The following NRG3 variants were observed in gnomAD, a reference collection of about 807,000 sequenced individuals.
NRG3 encodes the protein neuregulin 3.
In NRG3, 31 loss-of-function variants were observed where a neutral mutation model predicts 66.9. That is an observed-to-expected ratio of 0.46 (90% CI 0.35 to 0.63). The LOEUF (loss-of-function observed/expected upper bound fraction) is 0.63. Ranked by LOEUF, NRG3 falls within the 20% of genes least tolerant of loss-of-function variation. NRG3 has a pLI of 0.00. For synonymous variants in NRG3, 393 were observed against 359.4 expected, an observed-to-expected ratio of 1.09 and a Z score of -1.06; for missense variants, 910 against 878.9, an observed-to-expected ratio of 1.04 and a Z score of -0.45.
chr10:82,919,145 T>C (rs76747152), intron 4 of NRG3, among the ~76,000 whole-genome samples: 14,150 of 151,664 alleles, frequency 0.093, 879 homozygotes, highest in African/African-American at 0.16. Context: ...AAAAGTCATC[T>C]CCATTTTCTC....
At chr10:81,946,609 G>A (rs1848861172) in intron 1 of NRG3, among the ~76,000 whole-genome samples, 1 of 152,116 alleles carries the variant, frequency 6.6e-6, no homozygotes, top group Non-Finnish European at 1.5e-5. Flanking sequence ...AGAAGGTTGT[G>A]TATGTGAGTG....
chr10:82,517,653 G>A (rs1213919143), intron 2 of NRG3, among the ~76,000 whole-genome samples: 4 of 127,142 alleles, frequency 3.1e-5, no homozygotes, highest in Non-Finnish European at 4.7e-5. Flanking sequence ...GTTTGTGTGT[G>A]TGTGTGTGTG....
At chr10:82,006,226 T>G (rs2061372020) in intron 1 of NRG3, among the ~76,000 whole-genome samples, 1 of 152,126 alleles carries the variant, frequency 6.6e-6, no homozygotes, top group Non-Finnish European at 1.5e-5. Context: ...GACAAAGAGA[T>G]CTTTGACATA....
chr10:82,499,385 CCTTT>C (rs1445577059), intron 2 of NRG3, among the ~76,000 whole-genome samples: 3 of 152,126 alleles, frequency 2.0e-5, no homozygotes, highest in Non-Finnish European at 2.9e-5. Flanking sequence ...TACAGACAAA[CCTTT>C]CTTTCTTTCC....
chr10:82,013,113 G>T (rs2061646675), intron 1 of NRG3, among the ~76,000 whole-genome samples: 1 of 152,140 alleles, frequency 6.6e-6, no homozygotes, highest in Admixed American at 6.6e-5. Flanking sequence ...AATTTATAAA[G>T]GAAATTGGTT....
At chr10:82,711,072 G>GATTGAATA (rs1385031432) in intron 2 of NRG3, among the ~76,000 whole-genome samples, 1 of 151,946 alleles carries the variant, frequency 6.6e-6, no homozygotes, top group East Asian at 1.9e-4. Flanking sequence ...TTGCTCAGCA[G>GATTGAATA]ATTGATTAAT....
chr10:82,575,460 G>C (rs1234911164), intron 2 of NRG3, among the ~76,000 whole-genome samples: 1 of 151,786 alleles, frequency 6.6e-6, no homozygotes, highest in East Asian at 1.9e-4. Context: ...AACAATGTGT[G>C]AAGAGTGCAC....
At chr10:82,761,922 C>CTTTCTTTCTT (rs1555028704) in intron 3 of NRG3, among the ~76,000 whole-genome samples, 20 of 123,852 alleles carry the variant, frequency 1.6e-4, no homozygotes, top group African/African-American at 3.9e-4. Context: ...TTCTTTCTTT[C>CTTTCTTTCTT]TCTTTCTTTC....
In NRG3 at chr10:81,924,352, A is replaced by G. The variant is rs150236743; in HGVS notation, c.823+48189A>G. On this transcript the variant is annotated intron_variant, in intron 1 of 8. Coordinates refer to ENST00000372141, the MANE Select transcript of NRG3 (RefSeq NM_001010848.4). Reference sequence around the variant, plus strand: ...TCATTTGTTTTACTGTAGTTACACCACAATGTAAATAAAAGCATTTAGAAA... The same window carrying G: ...TCATTTGTTTTACTGTAGTTACACCGCAATGTAAATAAAAGCATTTAGAAA... Among the ~76,000 whole-genome samples, 490 of 152,342 alleles carry G rather than the reference A, an allele frequency of 3.2e-3. 3 individuals are homozygous for G. Among genetic ancestry groups the G allele is most frequent in the African/African-American group, 0.011 (453 of 41,574 alleles).
chr10:81,985,558 T>A (rs1440724755), intron 1 of NRG3, among the ~76,000 whole-genome samples: 1 of 152,332 alleles, frequency 6.6e-6, no homozygotes, highest in African/African-American at 2.4e-5. Context: ...GAACTCCTAA[T>A]TCCACGAGTG....
At chr10:82,573,402 A>G (rs1026776307) in intron 2 of NRG3, among the ~76,000 whole-genome samples, 3 of 151,804 alleles carry the variant, frequency 2.0e-5, no homozygotes, top group Non-Finnish European at 2.9e-5. Context: ...TCTTATATCA[A>G]ATTTGCAGAA....
chr10:82,760,240 C>T (rs1051667770), intron 3 of NRG3, among the ~76,000 whole-genome samples: 9 of 152,082 alleles, frequency 5.9e-5, no homozygotes, highest in African/African-American at 2.2e-4. Context: ...AACAGAAGAA[C>T]TTCCAACAGA....
intron 2 of NRG3, among the ~76,000 whole-genome samples, chr10:82,595,329 C>T (rs2133346958): frequency 1.3e-5 from 2 of 152,286 alleles, no homozygotes; most frequent in Middle Eastern, 3.4e-3. Context: ...GCTACTACGA[C>T]ATGTTTATTA....
chr10:82,293,916 T>C (rs2079890528), intron 1 of NRG3, among the ~76,000 whole-genome samples: 1 of 122,734 alleles, frequency 8.1e-6, no homozygotes, highest in African/African-American at 4.6e-5. Context: ...TTAGCAAGCA[T>C]ATTTTTGCAA....
intron 2 of NRG3, among the ~76,000 whole-genome samples, chr10:82,434,868 G>A (rs576485214): frequency 6.6e-6 from 1 of 152,082 alleles, no homozygotes; most frequent in Non-Finnish European, 1.5e-5. Flanking sequence ...GAGAATTTTT[G>A]CACTGATGTT....
chr10:82,663,085 G>A (rs554307066), intron 2 of NRG3, among the ~76,000 whole-genome samples: 2 of 152,294 alleles, frequency 1.3e-5, no homozygotes, highest in East Asian at 3.9e-4. Context: ...TACCAAGAAA[G>A]GAGAATAATA....
At chr10:82,564,607 A>G (rs1210017009) in intron 2 of NRG3, among the ~76,000 whole-genome samples, 1 of 152,046 alleles carries the variant, frequency 6.6e-6, no homozygotes, top group Non-Finnish European at 1.5e-5. Flanking sequence ...TGAACCATAG[A>G]GAAAGAGAAA....
chr10:82,538,585 A>G (rs924191043), intron 2 of NRG3, among the ~76,000 whole-genome samples: 1 of 152,068 alleles, frequency 6.6e-6, no homozygotes. Flanking sequence ...ATTGCAATCT[A>G]TGTTCCATAC....
chr10:82,761,667 A>G (rs931224931), intron 3 of NRG3, among the ~76,000 whole-genome samples: 3 of 151,934 alleles, frequency 2.0e-5, no homozygotes, highest in Non-Finnish European at 4.4e-5. Flanking sequence ...GAAAAAATAA[A>G]ATTAATAAAA....
Sources: gnomAD v4.1 joint callset for allele counts (sites outside exome capture counted in the v4.1 genomes callset) on GRCh38, gnomAD v4.1.1 for gene constraint, MANE v1.5 for transcripts, NCBI Gene and HGNC (gene_info 2026-07-23, HGNC 2026-07-21) for gene names.